Variants in ZNF804B observed in about 807,000 individuals in gnomAD.
ZNF804B encodes zinc finger protein 804B.
Under a neutral mutation model 101.4 loss-of-function variants are expected in ZNF804B, and 80 were observed. The ratio of observed to expected loss-of-function variants is 0.79; its 90% CI spans 0.66 to 0.95. The LOEUF is 0.95. Ranked by LOEUF, ZNF804B falls within the 40% of genes least tolerant of loss-of-function variation. The pLI is 0.00. For synonymous variants in ZNF804B, 622 were observed against 558.8 expected (o/e 1.11, Z -1.59); for missense variants, 1,673 against 1,561.9 (o/e 1.07, Z -1.20).
At chr7:88,978,961 C>T (rs1467351763) in intron 1 of ZNF804B, among the ~76,000 whole-genome samples, 1 of 151,672 alleles carries the variant, frequency 6.6e-6, no homozygotes, top group Admixed American at 6.6e-5. Context: ...TTTGAAGTTA[C>T]CATGAGACTT....
At chr7:89,196,079 A>C (rs1375522710) in intron 1 of ZNF804B, among the ~76,000 whole-genome samples, 1 of 152,164 alleles carries the variant, frequency 6.6e-6, no homozygotes, top group Non-Finnish European at 1.5e-5. Flanking sequence ...GAACCAAAAA[A>C]AGAGCCTGAA....
In ZNF804B at chr7:89,175,273, C is replaced by G. The variant is rs550071092; in HGVS notation, c.109-42882C>G. ...TTTTCATATGATGAGCAATAGGGGC[C>G]TAGTTTTATTCTTCTGCATATGGAT... On this transcript the variant is annotated intron_variant, in intron 1 of 3. Coordinates refer to ENST00000333190, the MANE Select transcript of ZNF804B (RefSeq NM_181646.5). Among the ~76,000 whole-genome samples, 75 of 151,566 alleles carry G rather than the reference C, an allele frequency of 4.9e-4. 1 individual carries two copies. The highest frequency in any genetic ancestry group is 9.2e-4 in the Admixed American group (14 of 15,184).
chr7:88,759,709 G>C lies in ZNF804B; in HGVS notation c.-268G>C. On this transcript the variant is annotated 5_prime_UTR_variant, in exon 1 of 4. Coordinates refer to ENST00000333190, the MANE Select transcript of ZNF804B (RefSeq NM_181646.5). ...TGGCCCGCGGTTGAGCAGCCACCTC[G>C]TCAGAGCAGCATGTGGACTGGCTCG... 1 of 464,220 alleles carries C rather than the reference G, an allele frequency of 2.2e-6. No homozygotes were observed. The highest frequency in any genetic ancestry group is 3.1e-5 in the South Asian group (1 of 31,828). The allele number at this position is 464,220 out of a possible 1,614,324, so 28.8% of individuals were successfully genotyped here.
At chr7:88,996,731 A>G (rs1400880446) in intron 1 of ZNF804B, among the ~76,000 whole-genome samples, 1 of 152,154 alleles carries the variant, frequency 6.6e-6, no homozygotes, top group Non-Finnish European at 1.5e-5. Flanking sequence ...AGCATTTATA[A>G]AACAAAATAA....
Position 89,334,487 on chromosome 7 carries a change from G to A in ZNF804B, c.1505G>A (p.Gly502Asp). 1.9e-6 allele frequency: 3 copies of A among 1,613,710 alleles called. No individual in the cohort carries two copies. Among genetic ancestry groups the A allele is most frequent in the South Asian group, 1.1e-5 (1 of 91,078 alleles). ...HNLEDLKTEL[G>D]KKPLELKTKR... Reference sequence around the variant, plus strand: ...CTAGAGGACTTAAAAACAGAATTGGGTAAGAAGCCCTTGGAATTGAAGACT... The same window carrying A: ...CTAGAGGACTTAAAAACAGAATTGGATAAGAAGCCCTTGGAATTGAAGACT... The change falls in exon 4 of 4, where the codon GGT (glycine) becomes GAT (aspartate). Residue 502 changes from glycine (G) to aspartate (D), a missense_variant. Transcript: ENST00000333190.
chr7:88,776,204 G>A (rs1240080032), intron 1 of ZNF804B, among the ~76,000 whole-genome samples: 1 of 152,196 alleles, frequency 6.6e-6, no homozygotes, highest in East Asian at 1.9e-4. Flanking sequence ...AGGAGCTGAT[G>A]ATTACTTTGA....
chr7:88,935,054 CACACACAT>C (rs955783615), intron 1 of ZNF804B, among the ~76,000 whole-genome samples: 20 of 151,170 alleles, frequency 1.3e-4, no homozygotes, highest in African/African-American at 4.9e-4. Flanking sequence ...TATATATACA[CACACACAT>C]ACACACATAC....
intron 1 of ZNF804B, among the ~76,000 whole-genome samples, chr7:88,824,982 T>A (rs1199697628): frequency 6.6e-6 from 1 of 152,176 alleles, no homozygotes; most frequent in Non-Finnish European, 1.5e-5. Flanking sequence ...ATCCAAATGA[T>A]CCTGGCTTTG....
intron 1 of ZNF804B, among the ~76,000 whole-genome samples, chr7:89,002,506 A>C (rs1328270418): frequency 6.6e-6 from 1 of 151,886 alleles, no homozygotes; most frequent in South Asian, 2.1e-4. Context: ...TAACAAGCCA[A>C]TTAAATAGAT....
chr7:89,324,565 T>A (rs1790868354), intron 2 of ZNF804B, among the ~76,000 whole-genome samples: 1 of 150,496 alleles, frequency 6.6e-6, no homozygotes, highest in Admixed American at 6.6e-5. Context: ...TTTATTATCT[T>A]GTTATTTATT....
intron 1 of ZNF804B, among the ~76,000 whole-genome samples, chr7:88,857,142 G>C (rs535513563): frequency 6.6e-6 from 1 of 152,052 alleles, no homozygotes; most frequent in African/African-American, 2.4e-5. Context: ...GGCACTAAAT[G>C]CCCACAAGAG....
intron 1 of ZNF804B, among the ~76,000 whole-genome samples, chr7:88,868,470 T>C (rs1357431064): frequency 6.6e-6 from 1 of 152,204 alleles, no homozygotes; most frequent in African/African-American, 2.4e-5. Context: ...AATTTTTACC[T>C]CTTTTGAAAT....
intron 2 of ZNF804B, among the ~76,000 whole-genome samples, chr7:89,234,536 G>A (rs1421971674): frequency 1.3e-5 from 2 of 152,160 alleles, no homozygotes; most frequent in African/African-American, 4.8e-5. Flanking sequence ...GATGGCTGGT[G>A]AAGCATTGTT....
At chr7:89,247,707 G>T (rs747992556) in intron 2 of ZNF804B, among the ~76,000 whole-genome samples, 2 of 152,086 alleles carry the variant, frequency 1.3e-5, no homozygotes, top group African/African-American at 2.4e-5. Context: ...ATATCTGAAT[G>T]TAGCAACACC....
At position 89,335,726 on chromosome 7, in the gene ZNF804B, C is replaced by T. The variant is rs56948780; in HGVS notation, c.2744C>T (p.Thr915Ile). Residue 915 changes from threonine (T) to isoleucine (I), a missense_variant, in exon 4 of 4, where the codon ACT becomes ATT. By Grantham distance (89) the Thr-to-Ile change is moderately conservative. Coordinates refer to ENST00000333190, the MANE Select transcript of ZNF804B (RefSeq NM_181646.5). ...CCTTCAGAAACCACAGAATCAAACA[C>T]TGCAGAAGGAGAGAGGACCCCTCTA... ...SGPSETTESN[T>I]AEGERTPLTA... is the part of the protein sequence containing the mutation. The T allele has an allele frequency of 6.9e-3, 11,162 of 1,613,994 alleles. 613 individuals carry two copies. In the African/African-American group the frequency reaches 0.13, roughly 18 times the overall value.
intron 1 of ZNF804B, among the ~76,000 whole-genome samples, chr7:89,174,481 T>G (rs901240369): frequency 6.6e-6 from 1 of 152,190 alleles, no homozygotes; most frequent in South Asian, 2.1e-4. Context: ...TGTACCACAT[T>G]TTCTTTATCT....
intron 2 of ZNF804B, among the ~76,000 whole-genome samples, chr7:89,301,653 G>A (rs1037853330): frequency 7.3e-5 from 11 of 151,466 alleles, no homozygotes; most frequent in East Asian, 1.9e-4. Context: ...TATTAATATC[G>A]TATCTCTAAA....
rs748294920 is a variant in ZNF804B at position 89,334,638 on chromosome 7, T to C, written c.1656T>C (p.Tyr552=). Residue 552 remains tyrosine (Y), a synonymous_variant, in exon 4 of 4, where the codon TAT becomes TAC. Transcript: ENST00000333190. ...NPDWEKFQRK[Y]NLDYSDSEPN... The stretch of plus-strand genomic sequence containing the variant: ...ATTGGGAAAAATTCCAGAGGAAATA[T>C]AATTTGGACTACAGTGATTCTGAGC... 1 of 1,613,830 alleles carries C rather than the reference T, an allele frequency of 6.2e-7. No homozygotes were observed. The highest frequency in any genetic ancestry group is 1.1e-5 in the South Asian group (1 of 91,072).
chr7:88,948,857 T>C (rs772945974), intron 1 of ZNF804B, among the ~76,000 whole-genome samples: 7 of 151,972 alleles, frequency 4.6e-5, no homozygotes, highest in Non-Finnish European at 1.0e-4. Flanking sequence ...TTGTGCTTTT[T>C]GAGTCCTGTT....
Sources: gnomAD v4.1 joint callset for allele counts (sites outside exome capture counted in the v4.1 genomes callset) on GRCh38, gnomAD v4.1.1 for gene constraint, MANE v1.5 for transcripts, NCBI Gene and HGNC (gene_info 2026-07-23, HGNC 2026-07-21) for gene names.